FANCB: variants seen among roughly 807,000 people sequenced by gnomAD.
FANCB encodes Fanconi anemia group B protein.
In FANCB, 5 loss-of-function variants were observed where a neutral mutation model predicts 38.9. The observed-to-expected ratio is 0.13, with a 90% CI of 0.07 to 0.27. FANCB has a LOEUF of 0.27. Among genes scored for constraint, FANCB ranks in the 10% least tolerant of loss-of-function variants. FANCB has a pLI of 1.00. For synonymous variants in FANCB, 236 were observed against 215.4 expected (o/e 1.10, Z -0.84); for missense variants, 573 against 602.7 (o/e 0.95, Z 0.52).
intron 1 of FANCB, among the ~76,000 whole-genome samples, chrX:14,872,701 CTTTT>C (rs1459230527): frequency 1.0e-5 from 1 of 99,450 alleles, no homozygotes; most frequent in Admixed American, 1.1e-4. Flanking sequence ...CCGAAACACG[CTTTT>C]TTTAACTTTA....
At chrX:14,734,502 G>A in the FANCB span, among the ~76,000 whole-genome samples, 1,859 of 111,447 alleles carry the variant, frequency 0.017, 12 homozygotes, top group Middle Eastern at 0.051. Flanking sequence ...GGCTGGATAC[G>A]AAATTCTGGG....
chrX:14,851,504 T>C (rs75898481), intron 6 of FANCB, among the ~76,000 whole-genome samples: 1 of 81,274 alleles, frequency 1.2e-5, no homozygotes, highest in East Asian at 3.0e-4. Flanking sequence ...TTACTAAAGA[T>C]AGAGGCATTC....
At chrX:14,811,191 G>A in the FANCB span, among the ~76,000 whole-genome samples, 7 of 111,042 alleles carry the variant, frequency 6.3e-5, no homozygotes, top group Admixed American at 9.6e-5. Flanking sequence ...AGGAACAACC[G>A]GTACCAGCCA....
the FANCB span, among the ~76,000 whole-genome samples, chrX:14,762,302 A>C: frequency 9.1e-6 from 1 of 110,284 alleles, no homozygotes; most frequent in African/African-American, 3.3e-5. Flanking sequence ...AAAGGCCCCA[A>C]CTCTTTTTAT....
chrX:14,793,071 A>G, the FANCB span, among the ~76,000 whole-genome samples: 1 of 112,117 alleles, frequency 8.9e-6, no homozygotes, highest in Non-Finnish European at 1.9e-5. Flanking sequence ...TATTTACCTA[A>G]TGGAATTTAT....
the FANCB span, among the ~76,000 whole-genome samples, chrX:14,820,123 T>C: frequency 9.0e-6 from 1 of 110,832 alleles, no homozygotes; most frequent in Non-Finnish European, 1.9e-5. Flanking sequence ...CCATCCCTCT[T>C]CCCTAGTCCT....
At chrX:14,816,971 C>T in the FANCB span, among the ~76,000 whole-genome samples, 1 of 111,995 alleles carries the variant, frequency 8.9e-6, no homozygotes, top group Non-Finnish European at 1.9e-5. Flanking sequence ...GAGACACTAC[C>T]TACTATTTTC....
the FANCB span, among the ~76,000 whole-genome samples, chrX:14,742,716 A>T: frequency 1.1e-4 from 12 of 112,293 alleles, no homozygotes; most frequent in East Asian, 1.4e-3. Flanking sequence ...TTGCCTAAAC[A>T]TCAAAAAGGC....
At chrX:14,835,287 A>AG, downstream of FANCB, 1 of 481,941 alleles carries the variant, frequency 2.1e-6, no homozygotes, top group Non-Finnish European at 3.8e-6. Flanking sequence ...CTGGGGCCTC[A>AG]GGGGGCTCAT....
chrX:14,706,846 G>A, the FANCB span, among the ~76,000 whole-genome samples: 1 of 111,924 alleles, frequency 8.9e-6, no homozygotes, highest in Non-Finnish European at 1.9e-5. Flanking sequence ...CTTCATTCTG[G>A]AAAGCACAAA....
At chrX:14,871,986 T>G (rs2147466926) in intron 1 of FANCB, among the ~76,000 whole-genome samples, 1 of 111,023 alleles carries the variant, frequency 9.0e-6, no homozygotes, top group South Asian at 3.8e-4. Context: ...CTCAAAGGCT[T>G]GCAGATAAGA....
chrX:14,753,000 C>T, the FANCB span, among the ~76,000 whole-genome samples: 1 of 106,435 alleles, frequency 9.4e-6, no homozygotes, highest in African/African-American at 3.4e-5. Context: ...CACACACACA[C>T]ACACACACAC....
At chrX:14,833,674 T>G (rs866070648), downstream of FANCB, among the ~76,000 whole-genome samples, 13 of 103,651 alleles carry the variant, frequency 1.3e-4, no homozygotes, top group Non-Finnish European at 1.6e-4. Context: ...AGGCTGGGTG[T>G]GGGGGGGGTT....
chrX:14,824,984 A>AT, the FANCB span, among the ~76,000 whole-genome samples: 2 of 111,686 alleles, frequency 1.8e-5, no homozygotes, highest in Non-Finnish European at 3.8e-5. Flanking sequence ...TTTGAAGCAA[A>AT]TTTTTGCTAG....
At chrX:14,699,872 G>A in the FANCB span, among the ~76,000 whole-genome samples, 1 of 111,900 alleles carries the variant, frequency 8.9e-6, no homozygotes, top group Non-Finnish European at 1.9e-5. Flanking sequence ...GCAAACTAAT[G>A]TAAGAACAGA....
downstream of FANCB, among the ~76,000 whole-genome samples, chrX:14,834,008 AACG>A (rs2092334455): frequency 9.3e-6 from 1 of 106,956 alleles, no homozygotes; most frequent in South Asian, 4.3e-4. Flanking sequence ...CAAAAACAAA[AACG>A]ACAACAAAAA....
At chrX:14,720,201 AAC>A in the FANCB span, among the ~76,000 whole-genome samples, 3 of 111,917 alleles carry the variant, frequency 2.7e-5, no homozygotes, top group Non-Finnish European at 5.6e-5. Context: ...TTATCAACAC[AAC>A]ACAGTGATTA....
the FANCB span, among the ~76,000 whole-genome samples, chrX:14,726,507 A>C: frequency 8.9e-6 from 1 of 112,637 alleles, no homozygotes; most frequent in African/African-American, 3.2e-5. Flanking sequence ...AGCTATAACT[A>C]TGCTCAGAAG....
At chrX:14,690,497 C>T in the FANCB span, among the ~76,000 whole-genome samples, 2 of 111,675 alleles carry the variant, frequency 1.8e-5, no homozygotes, top group Non-Finnish European at 3.8e-5. Context: ...GGTTCAGGGG[C>T]GTGTGACTTT....
Sources: allele counts gnomAD v4.1 joint callset (sites outside exome capture counted in the v4.1 genomes callset), GRCh38; gene constraint gnomAD v4.1.1; transcripts MANE v1.5; gene names NCBI Gene and HGNC (gene_info 2026-07-23, HGNC 2026-07-21).